The following KIAA1671 variants were observed in gnomAD, a reference collection of about 807,000 sequenced individuals.
KIAA1671 encodes the protein uncharacterized protein KIAA1671.
KIAA1671 carries 52 observed loss-of-function variants against 131.2 expected under a neutral mutation model. The observed-to-expected ratio is 0.40, with a 90% confidence interval of 0.32 to 0.50. The LOEUF is 0.50. Among genes scored for constraint, KIAA1671 ranks in the 20% least tolerant of loss-of-function variants. KIAA1671 has a pLI of 0.73. For missense variants in KIAA1671, 2,360 were observed against 2,364.2 expected (o/e 1.00, Z 0.04); for synonymous variants, 1,003 against 961.6 (o/e 1.04, Z -0.80).
chr22:25,138,236 C>A (rs1174892495), intron 6 of KIAA1671, among the ~76,000 whole-genome samples: 1 of 152,266 alleles, frequency 6.6e-6, no homozygotes, highest in African/African-American at 2.4e-5. Context: ...AATAGGTTGC[C>A]TGTGGGAACA....
chr22:25,087,924 C>A lies in KIAA1671; in HGVS notation c.4530+38560C>A, dbSNP rs73397902. The stretch of plus-strand genomic sequence containing the variant: ...CAATAAAGGAGATCTGGCAGGGAAC[C>A]AACAGCATCTACCACCTTTAGCGAG... On this transcript the variant is annotated intron_variant, in intron 6 of 12. Coordinates refer to ENST00000358431, the MANE Select transcript of KIAA1671 (RefSeq NM_001145206.2). Among the ~76,000 whole-genome samples, 285 of 152,208 alleles carry A rather than the reference C, an allele frequency of 1.9e-3. 2 individuals carry two copies. The highest frequency in any genetic ancestry group is 6.7e-3 in the African/African-American group (279 of 41,528).
intron 3 of KIAA1671, 97 bp from the exon 4 acceptor site, chr22:25,032,512 T>G (rs1926350144): frequency 1.5e-6 from 1 of 679,426 alleles, no homozygotes; most frequent in African/African-American, 1.8e-5. Flanking sequence ...AAATGTCCTT[T>G]CTGAAGGTTA....
chr22:25,108,020 T>C (rs893729680), intron 6 of KIAA1671, among the ~76,000 whole-genome samples: 2 of 152,168 alleles, frequency 1.3e-5, no homozygotes, highest in African/African-American at 2.4e-5. Context: ...AAAAAAATTA[T>C]AGATATCAGT....
chr22:24,992,997 C>A (rs566379585), intron 1 of KIAA1671, among the ~76,000 whole-genome samples: 1 of 151,820 alleles, frequency 6.6e-6, no homozygotes, highest in East Asian at 1.9e-4. Context: ...TTTGAGTCTG[C>A]GCACTGTGGA....
chr22:25,108,428 G>A (rs1931145092), intron 6 of KIAA1671, among the ~76,000 whole-genome samples: 1 of 152,124 alleles, frequency 6.6e-6, no homozygotes, highest in African/African-American at 2.4e-5. Flanking sequence ...CCTGCGTAAT[G>A]AGGGAGCAGA....
intron 6 of KIAA1671, among the ~76,000 whole-genome samples, chr22:25,094,309 C>T (rs914741696): frequency 6.6e-6 from 1 of 152,048 alleles, no homozygotes; most frequent in Middle Eastern, 3.2e-3. Context: ...TGTTGTGCTG[C>T]GGGTGGTACA....
rs542197830 is a variant in KIAA1671 at position 25,180,555 on chromosome 22, A to C, written c.5075-1144A>C. Among the ~76,000 whole-genome samples, 88 of 152,288 alleles carry C rather than the reference A, an allele frequency of 5.8e-4. 1 individual carries two copies. Among genetic ancestry groups the C allele is most frequent in the Non-Finnish European group, 8.1e-4 (55 of 68,010 alleles). On this transcript the variant is annotated intron_variant, in intron 9 of 12. Transcript: ENST00000358431. ...CTGTCTCAAAAAAAAAAAAGAAGAA[A>C]AAATTTCTTCTTGCAATGGAAACTA...
chr22:25,079,299 G>A (rs527672804), intron 6 of KIAA1671, among the ~76,000 whole-genome samples: 2 of 151,668 alleles, frequency 1.3e-5, no homozygotes, highest in African/African-American at 4.8e-5. Flanking sequence ...GCACCATCTC[G>A]GCTCACTGCA....
rs1374828041 is a variant in KIAA1671 at position 25,195,725 on chromosome 22, A to G, written c.*3324A>G. ...GTGCTGATAGCTGCTTTGTTGATCTATGCTTTAAAATTTTTCTTTATAATG... is the reference window on the plus strand; with the variant it reads ...GTGCTGATAGCTGCTTTGTTGATCTGTGCTTTAAAATTTTTCTTTATAATG... On this transcript the variant is annotated 3_prime_UTR_variant, in exon 13 of 13. Transcript: ENST00000358431. The G allele has an allele frequency of 6.6e-6, 1 of 152,140 alleles. No homozygotes were observed. The highest frequency in any genetic ancestry group is 1.5e-5 in the Non-Finnish European group (1 of 68,026). 9.4% of individuals were successfully genotyped at this position (152,140 alleles called of 1,614,324 possible).
chr22:25,026,266 T>C (rs1457550665), intron 2 of KIAA1671, among the ~76,000 whole-genome samples: 1 of 152,140 alleles, frequency 6.6e-6, no homozygotes, highest in Non-Finnish European at 1.5e-5. Flanking sequence ...GTGGAGAGGC[T>C]TGTGTTTAAC....
chr22:25,113,178 G>T (rs1931463173), intron 6 of KIAA1671, among the ~76,000 whole-genome samples: 1 of 152,176 alleles, frequency 6.6e-6, no homozygotes, highest in South Asian at 2.1e-4. Flanking sequence ...CCCAGAAAGC[G>T]AAAGTGCCTA....
At chr22:24,992,052 C>T (rs1272208461) in intron 1 of KIAA1671, among the ~76,000 whole-genome samples, 1 of 152,134 alleles carries the variant, frequency 6.6e-6, no homozygotes, top group Non-Finnish European at 1.5e-5. Flanking sequence ...ACAGAGCGGG[C>T]AGGACATGAC....
In KIAA1671 at chr22:25,165,935, A is replaced by T. The variant is rs560213368; in HGVS notation, c.4531-4885A>T. ...GGAAGCAACACTGAAGGAGCTGCTG[A>T]GCCCACCAGGCCCCGCACCCATGCA... On this transcript the variant is annotated intron_variant, in intron 6 of 12. Transcript: ENST00000358431. Among the ~76,000 whole-genome samples the T allele has an allele frequency of 1.0e-3, 156 of 152,240 alleles. 7 individuals are homozygous for T. The South Asian group carries it at 0.032, about 31-fold the overall frequency.
chr22:25,050,035 C>T (rs778305243), intron 6 of KIAA1671: 1 of 152,284 alleles, frequency 6.6e-6, no homozygotes, highest in South Asian at 2.1e-4. Flanking sequence ...TCATGAAGTG[C>T]TTAGCATGCT....
chr22:24,995,928 A>G (rs919208373), intron 1 of KIAA1671, among the ~76,000 whole-genome samples: 1 of 152,234 alleles, frequency 6.6e-6, no homozygotes, highest in African/African-American at 2.4e-5. Flanking sequence ...ACAGAGGGAT[A>G]CAGACAAGGG....
chr22:25,172,726 C>T (rs1288669630), intron 7 of KIAA1671, among the ~76,000 whole-genome samples: 1 of 152,134 alleles, frequency 6.6e-6, no homozygotes, highest in African/African-American at 2.4e-5. Context: ...TGTAAATTTT[C>T]TATCTTACAT....
rs1364479896 is a variant in KIAA1671, at chr22:25,195,156, T to G, written c.*2755T>G. 2.0e-5 allele frequency: 3 copies of G among 152,196 alleles called. No individual in the cohort carries two copies. The highest frequency in any genetic ancestry group is 7.2e-5 in the African/African-American group (3 of 41,452). The allele number at this position is 152,196 out of a possible 1,614,324, so 9.4% of individuals were successfully genotyped here. On this transcript the variant is annotated 3_prime_UTR_variant, in exon 13 of 13. Coordinates refer to ENST00000358431, the MANE Select transcript of KIAA1671 (RefSeq NM_001145206.2). ...CATGCAGAATGGAAAATCCTCTATA[T>G]GTACAATCTCTCTCCCCCTCATTTC... is the stretch of plus-strand genomic sequence containing the variant.
In KIAA1671 at chr22:25,040,873, G is replaced by C; in HGVS notation, c.3743G>C (p.Arg1248Thr). 1 of 1,533,912 alleles carries C rather than the reference G, an allele frequency of 6.5e-7. No individual in the cohort carries two copies. Among genetic ancestry groups the C allele is most frequent in the Non-Finnish European group, 8.8e-7 (1 of 1,138,096 alleles). The change falls in exon 5 of 13, where the codon AGG becomes ACG. Residue 1248 changes from arginine to threonine, a missense_variant. Arg to Thr is a moderately conservative substitution (Grantham distance 71, BLOSUM62 -1). Transcript: ENST00000358431. Reference sequence around the variant, plus strand: ...CTGGGCGGGGTGGAGCAGAGAAGGAGGAGCCTGAAGGAGATGCCCGATACC... The same window carrying C: ...CTGGGCGGGGTGGAGCAGAGAAGGACGAGCCTGAAGGAGATGCCCGATACC... ...VQLGGVEQRR[R>T]SLKEMPDTGG...
At chr22:24,969,987 A>G (rs963083240) in intron 1 of KIAA1671, among the ~76,000 whole-genome samples, 19 of 152,184 alleles carry the variant, frequency 1.2e-4, no homozygotes, top group Non-Finnish European at 2.8e-4. Context: ...CGAGGTGGGA[A>G]CTGCTCAGAA....
Sources: allele counts gnomAD v4.1 joint callset (sites outside exome capture counted in the v4.1 genomes callset), GRCh38; gene constraint gnomAD v4.1.1; transcripts MANE v1.5; gene names NCBI Gene and HGNC (gene_info 2026-07-23, HGNC 2026-07-21).